The following MMP16 variants were observed in gnomAD, a reference collection of about 807,000 sequenced individuals.
MMP16 encodes matrix metalloproteinase-16.
MMP16 carries 12 observed loss-of-function variants against 67.8 expected under a neutral mutation model. That is an observed-to-expected ratio of 0.18 (90% confidence interval 0.11 to 0.29). The LOEUF (loss-of-function observed/expected upper bound fraction) is 0.29. Among genes scored for constraint, MMP16 ranks in the 10% least tolerant of loss-of-function variants. The pLI, the probability that MMP16 is intolerant of heterozygous loss-of-function variation, is 1.00. For synonymous variants in MMP16, 249 were observed against 255.9 expected, an observed-to-expected ratio of 0.97 and a Z score of 0.26; for missense variants, 475 against 765.7, an observed-to-expected ratio of 0.62 and a Z score of 4.48.
chr8:88,294,387 C>T (rs958561689), intron 1 of MMP16, among the ~76,000 whole-genome samples: 1 of 147,644 alleles, frequency 6.8e-6, no homozygotes, highest in Admixed American at 6.7e-5. Context: ...TCTATACACA[C>T]ATATATACAT....
intron 1 of MMP16, among the ~76,000 whole-genome samples, chr8:88,234,424 C>T (rs1179955523): frequency 6.6e-6 from 1 of 152,116 alleles, no homozygotes; most frequent in Non-Finnish European, 1.5e-5. Flanking sequence ...CTTTTCTTCC[C>T]CTCTCATTCC....
chr8:88,084,061 A>C (rs1172928347), intron 6 of MMP16, among the ~76,000 whole-genome samples: 1 of 152,014 alleles, frequency 6.6e-6, no homozygotes, highest in Admixed American at 6.6e-5. Context: ...GAATGATCCC[A>C]TTTACCAATG....
intron 6 of MMP16, among the ~76,000 whole-genome samples, chr8:88,098,472 C>T (rs1056875913): frequency 9.9e-5 from 15 of 151,938 alleles, no homozygotes; most frequent in African/African-American, 3.6e-4. Context: ...GTCATCAGCC[C>T]CTTCCCTAAA....
chr8:88,110,942 T>C (rs1303630575), intron 6 of MMP16, among the ~76,000 whole-genome samples: 2 of 151,722 alleles, frequency 1.3e-5, no homozygotes, highest in African/African-American at 4.8e-5. Context: ...TTAGCCATTA[T>C]ACAAATGAGG....
intron 6 of MMP16, among the ~76,000 whole-genome samples, chr8:88,084,292 A>G (rs1312162151): frequency 2.0e-5 from 3 of 152,002 alleles, no homozygotes; most frequent in Non-Finnish European, 4.4e-5. Context: ...ATCACGTAGA[A>G]GCAAAACTTG....
chr8:88,271,923 G>C (rs1261029864), intron 1 of MMP16, among the ~76,000 whole-genome samples: 4 of 152,220 alleles, frequency 2.6e-5, no homozygotes, highest in Non-Finnish European at 4.4e-5. Flanking sequence ...GTTGGAGCTA[G>C]AGAAGGCAGA....
chr8:88,251,266 A>C (rs1371071420), intron 1 of MMP16, among the ~76,000 whole-genome samples: 2 of 151,956 alleles, frequency 1.3e-5, no homozygotes, highest in African/African-American at 4.8e-5. Flanking sequence ...CAGGAACCAA[A>C]ACAGCATGGT....
intron 1 of MMP16, among the ~76,000 whole-genome samples, chr8:88,260,106 A>G (rs571462545): frequency 1.6e-4 from 24 of 152,294 alleles, no homozygotes; most frequent in African/African-American, 5.8e-4. Flanking sequence ...ATATTATTGG[A>G]AAGAAATATA....
chr8:88,202,422 C>T (rs1026147507), intron 1 of MMP16, among the ~76,000 whole-genome samples: 6 of 152,116 alleles, frequency 3.9e-5, no homozygotes, highest in East Asian at 3.9e-4. Context: ...AGTTACACTT[C>T]GTAGTAGCTG....
intron 4 of MMP16, among the ~76,000 whole-genome samples, chr8:88,141,805 A>G (rs184720021): frequency 2.0e-5 from 3 of 152,278 alleles, no homozygotes; most frequent in Admixed American, 2.0e-4. Context: ...GAAAAACAAC[A>G]TAACAACATA....
chr8:88,138,635 T>C (rs1013447870), intron 4 of MMP16, among the ~76,000 whole-genome samples: 1 of 152,054 alleles, frequency 6.6e-6, no homozygotes, highest in Non-Finnish European at 1.5e-5. Context: ...CTAAAAGTTA[T>C]CTTGGCTTCT....
At chr8:88,145,303 T>C (rs1282903640) in intron 4 of MMP16, among the ~76,000 whole-genome samples, 1 of 151,930 alleles carries the variant, frequency 6.6e-6, no homozygotes, top group Non-Finnish European at 1.5e-5. Flanking sequence ...AACACAATTA[T>C]AAATATTTGT....
chr8:88,164,834 C>G (rs768276840), intron 4 of MMP16, among the ~76,000 whole-genome samples: 18 of 151,708 alleles, frequency 1.2e-4, no homozygotes, highest in Non-Finnish European at 2.4e-4. Context: ...GATGAATACT[C>G]TCAGCCAAAA....
intron 9 of MMP16, among the ~76,000 whole-genome samples, chr8:88,045,428 G>A (rs1479130312): frequency 6.6e-6 from 1 of 151,778 alleles, no homozygotes; most frequent in Non-Finnish European, 1.5e-5. Context: ...TGGAGTGCAG[G>A]GGCATGATCT....
chr8:88,071,665 A>G (rs1250046306), intron 7 of MMP16, among the ~76,000 whole-genome samples: 1 of 152,198 alleles, frequency 6.6e-6, no homozygotes, highest in Non-Finnish European at 1.5e-5. Flanking sequence ...ACATGGCTAT[A>G]AGTACAGGTT....
intron 3 of MMP16, among the ~76,000 whole-genome samples, chr8:88,170,682 G>C (rs2129710589): frequency 6.6e-6 from 1 of 152,300 alleles, no homozygotes; most frequent in East Asian, 1.9e-4. Context: ...TGGTGAGGGG[G>C]TGAGGAGATG....
intron 1 of MMP16, among the ~76,000 whole-genome samples, chr8:88,202,950 T>A (rs780682857): frequency 6.9e-6 from 1 of 144,340 alleles, no homozygotes; most frequent in Non-Finnish European, 1.6e-5. Context: ...GAGTCTGTCA[T>A]GTGAGTCACA....
chr8:88,102,223 C>T (rs570411792), intron 6 of MMP16, among the ~76,000 whole-genome samples: 4 of 151,966 alleles, frequency 2.6e-5, no homozygotes, highest in African/African-American at 9.6e-5. Context: ...CTCCCTCCCT[C>T]TTCAGACAAG....
intron 6 of MMP16, among the ~76,000 whole-genome samples, chr8:88,098,547 C>G (rs1809074099): frequency 6.6e-6 from 1 of 151,908 alleles, no homozygotes; most frequent in Non-Finnish European, 1.5e-5. Flanking sequence ...AGCTAGGCTT[C>G]CTTTAGGGCA....
Sources: gnomAD v4.1 joint callset for allele counts (sites outside exome capture counted in the v4.1 genomes callset) on GRCh38, gnomAD v4.1.1 for gene constraint, MANE v1.5 for transcripts, NCBI Gene and HGNC (gene_info 2026-07-23, HGNC 2026-07-21) for gene names.